Variants in ELP4 observed in about 807,000 individuals in gnomAD.
ELP4 encodes elongator complex protein 4.
Under a neutral mutation model 48.9 loss-of-function variants are expected in ELP4, and 51 were observed. The ratio of observed to expected loss-of-function variants is 1.04; its 90% confidence interval spans 0.83 to 1.32. The LOEUF is 1.32. Ranked by LOEUF, ELP4 falls within the 40% of genes most tolerant of loss-of-function variation. ELP4 has a pLI of 0.00. For synonymous variants in ELP4, 210 were observed against 189.2 expected, an observed-to-expected ratio of 1.11 and a Z score of -0.90; for missense variants, 519 against 514.6, an observed-to-expected ratio of 1.01 and a Z score of -0.08.
At chr11:31,510,150 AG>A in intron 1 of ELP4, 143 bp downstream of exon 1, 1 of 745,258 alleles carries the variant, frequency 1.3e-6, no homozygotes, top group Non-Finnish European at 2.2e-6. Context: ...ATTGAGATGG[AG>A]GGGAATACGG....
chr11:31,661,317 C>A (rs1945550220), intron 9 of ELP4, among the ~76,000 whole-genome samples: 1 of 152,022 alleles, frequency 6.6e-6, no homozygotes, highest in African/African-American at 2.4e-5. Context: ...TATAAAAATA[C>A]TAAGGCCAAA....
At chr11:31,522,691 T>C (rs1016006445) in intron 2 of ELP4, among the ~76,000 whole-genome samples, 1 of 152,204 alleles carries the variant, frequency 6.6e-6, no homozygotes, top group African/African-American at 2.4e-5. Context: ...GCATGTTAAA[T>C]TTTGTAGCTA....
chr11:31,604,904 G>A (rs1465064351), intron 5 of ELP4, among the ~76,000 whole-genome samples: 1 of 151,928 alleles, frequency 6.6e-6, no homozygotes, highest in African/African-American at 2.4e-5. Context: ...CTATGTGTCA[G>A]CCACTCTGTT....
chr11:31,730,138 A>G (rs1328264031), intron 9 of ELP4, among the ~76,000 whole-genome samples: 1 of 152,136 alleles, frequency 6.6e-6, no homozygotes. Context: ...CCCTCTCACC[A>G]TTGTCCTTGC....
intron 9 of ELP4, chr11:31,651,194 T>C (rs1945310774): frequency 6.6e-6 from 1 of 151,778 alleles, no homozygotes; most frequent in South Asian, 2.1e-4. Flanking sequence ...GGCCACTTGA[T>C]AAGGTAACTT....
intron 3 of ELP4, among the ~76,000 whole-genome samples, chr11:31,566,186 C>T (rs575249492): frequency 1.1e-4 from 16 of 152,020 alleles, no homozygotes; most frequent in African/African-American, 3.1e-4. Context: ...GGTGAAACCT[C>T]GACTCTACTA....
intron 9 of ELP4, among the ~76,000 whole-genome samples, chr11:31,674,754 T>C (rs1000744176): frequency 2.6e-5 from 4 of 152,246 alleles, no homozygotes; most frequent in Admixed American, 6.5e-5. Flanking sequence ...TGCCAGGGCA[T>C]GGCTTTTCTC....
intron 5 of ELP4, among the ~76,000 whole-genome samples, chr11:31,608,169 A>C (rs910482209): frequency 2.0e-5 from 3 of 151,854 alleles, no homozygotes; most frequent in African/African-American, 7.3e-5. Context: ...GTTATGTTAG[A>C]GGGTATAATG....
Position 31,790,120 on chromosome 11 carries a change from A to AAC in ELP4, c.*6596_*6597insAC, listed in dbSNP as rs1565184003. 267 of 760,092 alleles carry AAC rather than the reference A, an allele frequency of 3.5e-4. 2 individuals are homozygous for AAC. Among genetic ancestry groups the AAC allele is most frequent in the South Asian group, 3.7e-4 (22 of 59,384 alleles). The allele number at this position is 760,092 out of a possible 1,614,324, so 47.1% of individuals were successfully genotyped here. A position where few individuals can be genotyped will look rare whatever the true frequency, so the allele number is the denominator to read the frequency against. ...TACAAAAAAAAAAAAAAAAAAAAAA[A>AAC]CTAATACTTTCTAACATTTTTTACT... is the stretch of plus-strand genomic sequence containing the variant. On this transcript the variant is annotated 3_prime_UTR_variant, in exon 10 of 10. Coordinates refer to ENST00000640961, the MANE Select transcript of ELP4 (RefSeq NM_019040.5).
At chr11:31,721,944 G>A (rs1187489422) in intron 9 of ELP4, among the ~76,000 whole-genome samples, 2 of 152,046 alleles carry the variant, frequency 1.3e-5, no homozygotes, top group East Asian at 3.8e-4. Context: ...GACCGATGTT[G>A]TGGCCCTCTC....
At chr11:31,564,460 A>T (rs1445978213) in intron 3 of ELP4, among the ~76,000 whole-genome samples, 1 of 151,478 alleles carries the variant, frequency 6.6e-6, no homozygotes, top group Non-Finnish European at 1.5e-5. Flanking sequence ...TACATGTGCC[A>T]TGTTGGTGTG....
At chr11:31,533,107 C>T (rs1037329458) in intron 2 of ELP4, among the ~76,000 whole-genome samples, 14 of 152,076 alleles carry the variant, frequency 9.2e-5, no homozygotes, top group African/African-American at 3.4e-4. Context: ...GCATATATTG[C>T]ACAGTGGTGA....
intron 4 of ELP4, chr11:31,599,147 A>G (rs1957733171): frequency 6.6e-6 from 1 of 152,172 alleles, no homozygotes; most frequent in Non-Finnish European, 1.5e-5. Flanking sequence ...CTCAGTAATT[A>G]TTTGTTGGAT....
At chr11:31,575,751 G>T (rs75823942) in intron 3 of ELP4, among the ~76,000 whole-genome samples, 13 of 152,140 alleles carry the variant, frequency 8.5e-5, no homozygotes, top group Admixed American at 8.5e-4. Flanking sequence ...GAGAGATTTC[G>T]TTACCACCAG....
At chr11:31,754,474 AG>A (rs1947792561) in intron 9 of ELP4, among the ~76,000 whole-genome samples, 1 of 152,028 alleles carries the variant, frequency 6.6e-6, no homozygotes, top group East Asian at 1.9e-4. Context: ...CAGTAATACT[AG>A]TACAACTAGT....
intron 9 of ELP4, among the ~76,000 whole-genome samples, chr11:31,672,561 G>T (rs555320112): frequency 6.6e-6 from 1 of 152,158 alleles, no homozygotes; most frequent in Non-Finnish European, 1.5e-5. Context: ...AGGCTAAGGC[G>T]TGGGCGGATG....
chr11:31,710,724 T>G (rs1345376612), intron 9 of ELP4, among the ~76,000 whole-genome samples: 1 of 151,802 alleles, frequency 6.6e-6, no homozygotes, highest in Non-Finnish European at 1.5e-5. Context: ...TTGGCATAAA[T>G]GGACTTTGGA....
At chr11:31,713,271 A>G (rs1028883448) in intron 9 of ELP4, among the ~76,000 whole-genome samples, 1 of 152,184 alleles carries the variant, frequency 6.6e-6, no homozygotes, top group Admixed American at 6.5e-5. Context: ...ATTAATTAAC[A>G]TTTTGTGTTG....
intron 3 of ELP4, among the ~76,000 whole-genome samples, chr11:31,558,021 C>CT (rs879601999): frequency 2.6e-4 from 40 of 152,052 alleles, no homozygotes; most frequent in Non-Finnish European, 5.4e-4. Context: ...AATATTTTCC[C>CT]TTTTTTGTCA....
Sources: allele counts gnomAD v4.1 joint callset (sites outside exome capture counted in the v4.1 genomes callset), GRCh38; gene constraint gnomAD v4.1.1; transcripts MANE v1.5; gene names NCBI Gene and HGNC (gene_info 2026-07-23, HGNC 2026-07-21).